PLD5: variants seen among roughly 807,000 people sequenced by gnomAD.
The protein encoded by PLD5 is phospholipase D family member 5.
PLD5 carries 36 observed loss-of-function variants against 61.1 expected under a neutral mutation model. That is an observed-to-expected ratio of 0.59 (90% confidence interval 0.45 to 0.78). The LOEUF is 0.78. Among genes scored for constraint, PLD5 ranks in the 30% least tolerant of loss-of-function variants. The pLI is 0.00. For synonymous variants in PLD5, 243 were observed against 242.8 expected (o/e 1.00, Z -0.01); for missense variants, 515 against 644.4 (o/e 0.80, Z 2.17).
At chr1:242,258,312 A>ATAT (rs1673196340) in intron 4 of PLD5, among the ~76,000 whole-genome samples, 5 of 152,226 alleles carry the variant, frequency 3.3e-5, no homozygotes, top group Admixed American at 3.3e-4. Flanking sequence ...GAGTATGGTC[A>ATAT]CTGCACTATA....
intron 1 of PLD5, chr1:242,377,230 C>T (rs977673977): frequency 1.1e-4 from 174 of 1,611,260 alleles, no homozygotes; most frequent in Non-Finnish European, 1.4e-4. Flanking sequence ...TAGGAAGAAC[C>T]ATCCGATTTG....
At chr1:242,329,014 T>G (rs1659002901) in intron 2 of PLD5, among the ~76,000 whole-genome samples, 2 of 28,794 alleles carry the variant, frequency 6.9e-5, no homozygotes, top group Admixed American at 4.6e-4. Context: ...TTTTATTTAT[T>G]TATTATTTTT....
chr1:242,215,864 A>T (rs1209509166), intron 5 of PLD5, among the ~76,000 whole-genome samples: 1 of 152,192 alleles, frequency 6.6e-6, no homozygotes, highest in East Asian at 1.9e-4. Context: ...ATGTTTTATT[A>T]ATCTTTTTAA....
chr1:242,303,996 C>G (rs189022762), intron 2 of PLD5, among the ~76,000 whole-genome samples: 2 of 152,280 alleles, frequency 1.3e-5, no homozygotes, highest in African/African-American at 4.8e-5. Context: ...ATGTACCCCA[C>G]CGACACCAGC....
chr1:242,414,540 A>G (rs10803044), intron 1 of PLD5, among the ~76,000 whole-genome samples: 67,358 of 152,018 alleles, frequency 0.44, 16,519 homozygotes, highest in African/African-American at 0.66. Context: ...GTTGAGGGAA[A>G]GGAAAGATTA....
intron 2 of PLD5, among the ~76,000 whole-genome samples, chr1:242,311,141 CA>C (rs200567925): frequency 0.052 from 7,961 of 152,088 alleles, 432 homozygotes; most frequent in East Asian, 0.27. Flanking sequence ...GCAGGATAAA[CA>C]AAAACGCCAA....
chr1:242,471,729 C>T (rs1418787927), intron 1 of PLD5, among the ~76,000 whole-genome samples: 1 of 152,026 alleles, frequency 6.6e-6, no homozygotes, highest in Admixed American at 6.6e-5. Flanking sequence ...ATTCCTAAAA[C>T]AGAGTTTTAG....
intron 2 of PLD5, among the ~76,000 whole-genome samples, chr1:242,319,033 T>C (rs1462241667): frequency 6.6e-6 from 1 of 152,048 alleles, no homozygotes. Flanking sequence ...TGAGCAGAAT[T>C]GGGGCAGGAG....
chr1:242,139,444 TC>T (rs1431899789), intron 5 of PLD5, among the ~76,000 whole-genome samples: 5 of 152,188 alleles, frequency 3.3e-5, no homozygotes, highest in Non-Finnish European at 5.9e-5. Context: ...AACTTGCTTT[TC>T]CAAGGGTTCA....
rs41315854 is a variant in PLD5, at chr1:242,089,349, G to A, written c.*505C>T. ...AAGGATATTTTTCAAGGGTGTTGAA[G>A]GCTGGCATGAGATGTAAGCTATTCA... On this transcript the variant is annotated 3_prime_UTR_variant, in exon 10 of 10. Transcript: ENST00000536534. 1.2e-4 allele frequency: 50 copies of A among 401,084 alleles called. No individual in the cohort carries two copies. Among genetic ancestry groups the A allele is most frequent in the Non-Finnish European group, 9.7e-5 (22 of 227,670 alleles). The allele number at this position is 401,084 out of a possible 1,614,324, so 24.8% of individuals were successfully genotyped here. A position where few individuals can be genotyped will look rare whatever the true frequency, so the allele number is the denominator to read the frequency against.
Position 242,345,682 on chromosome 1 carries a change from T to A in PLD5, c.326+2424A>T, listed in dbSNP as rs1332204228. The stretch of plus-strand genomic sequence containing the variant: ...AACACTGACCTAAAGCCCACAGGTG[T>A]CCTCAGACCCTATCAGGAGAAGAGC... On this transcript the variant is annotated intron_variant, in intron 2 of 9. Transcript: ENST00000536534. The A allele has an allele frequency of 3.8e-5, 29 of 763,546 alleles. 1 individual carries two copies. The highest frequency in any genetic ancestry group is 1.9e-5 in the Non-Finnish European group (8 of 412,648). 47.3% of individuals were successfully genotyped at this position (763,546 alleles called of 1,614,324 possible). A position where few individuals can be genotyped will look rare whatever the true frequency, so the allele number is the denominator to read the frequency against.
chr1:242,366,662 C>T (rs1318233897), intron 1 of PLD5, among the ~76,000 whole-genome samples: 1 of 151,974 alleles, frequency 6.6e-6, no homozygotes, highest in African/African-American at 2.4e-5. Flanking sequence ...TGGCAAAACC[C>T]ACGCTTGCTT....
intron 5 of PLD5, among the ~76,000 whole-genome samples, chr1:242,126,319 A>T (rs1662779329): frequency 6.6e-6 from 1 of 152,188 alleles, no homozygotes; most frequent in Admixed American, 6.5e-5. Context: ...CAATTCTAAA[A>T]TTCATATGGG....
chr1:242,193,087 A>T (rs1668385852), intron 5 of PLD5, among the ~76,000 whole-genome samples: 1 of 152,098 alleles, frequency 6.6e-6, no homozygotes, highest in Non-Finnish European at 1.5e-5. Context: ...CACCCTGTTT[A>T]TTCTATTCTA....
At chr1:242,352,563 C>T (rs1436369431) in intron 1 of PLD5, among the ~76,000 whole-genome samples, 5 of 152,084 alleles carry the variant, frequency 3.3e-5, no homozygotes, top group Admixed American at 2.0e-4. Flanking sequence ...TGGGTAAATA[C>T]CCAAAGGTAG....
rs189610875 is a variant in PLD5 at position 242,393,556 on chromosome 1, A to G, written c.190-45314T>C. ...TGTGAGTATATATATGTGTATATAT[A>G]TGAGTATATATGTGTATATATATGA... On this transcript the variant is annotated intron_variant, in intron 1 of 9. Transcript: ENST00000536534. Among the ~76,000 whole-genome samples, 567 of 89,428 alleles carry G rather than the reference A, an allele frequency of 6.3e-3. 139 individuals carry two copies. The highest frequency in any genetic ancestry group is 0.013 in the African/African-American group (261 of 20,324). 58.7% of individuals were successfully genotyped at this position (89,428 alleles called of 152,430 possible).
chr1:242,224,782 C>T (rs1670820740), intron 4 of PLD5, among the ~76,000 whole-genome samples: 1 of 152,266 alleles, frequency 6.6e-6, no homozygotes, highest in East Asian at 1.9e-4. Context: ...TTTTTAAATC[C>T]AATTACCATT....
chr1:242,307,778 A>G (rs899624077), intron 2 of PLD5, among the ~76,000 whole-genome samples: 11 of 152,012 alleles, frequency 7.2e-5, no homozygotes, highest in Non-Finnish European at 1.5e-4. Context: ...AATAAAACGT[A>G]TTGATTGTCA....
At chr1:242,151,112 G>A (rs905060689) in intron 5 of PLD5, among the ~76,000 whole-genome samples, 4 of 151,270 alleles carry the variant, frequency 2.6e-5, no homozygotes, top group African/African-American at 9.7e-5. Context: ...TCCCATCCTT[G>A]GTATTATTGT....
Sources: gnomAD v4.1 joint callset for allele counts (sites outside exome capture counted in the v4.1 genomes callset) on GRCh38, gnomAD v4.1.1 for gene constraint, MANE v1.5 for transcripts, NCBI Gene and HGNC (gene_info 2026-07-23, HGNC 2026-07-21) for gene names.